Variants in ZNF844 observed in about 807,000 individuals in gnomAD.
The protein encoded by ZNF844 is zinc finger protein 844.
ZNF844 carries 11 observed loss-of-function variants against 11.4 expected under a neutral mutation model. The observed-to-expected ratio is 0.97, with a 90% confidence interval of 0.61 to 1.60. The LOEUF (loss-of-function observed/expected upper bound fraction) is 1.60, where lower values mean the gene tolerates loss of function less well. Among genes scored for constraint, ZNF844 ranks in the 40% most tolerant of loss-of-function variants. ZNF844 has a pLI of 0.00. For synonymous variants in ZNF844, 248 were observed against 260.3 expected, an observed-to-expected ratio of 0.95 and a Z score of 0.46; for missense variants, 790 against 796.8, an observed-to-expected ratio of 0.99 and a Z score of 0.10.
Position 12,064,752 on chromosome 19 carries a change from G to A in ZNF844, c.-122G>A, listed in dbSNP as rs1406680543. On this transcript the variant is annotated 5_prime_UTR_variant, in exon 1 of 4. Coordinates refer to ENST00000439326, the MANE Select transcript of ZNF844 (RefSeq NM_001136501.3). Reference sequence around the variant, plus strand: ...CCTCAGTCTTTGGCCCCTCCCGCCGGGTGAGGTTGGCACCCCGTTTTTCCT... The same window carrying A: ...CCTCAGTCTTTGGCCCCTCCCGCCGAGTGAGGTTGGCACCCCGTTTTTCCT... The A allele has an allele frequency of 1.9e-6, 2 of 1,048,000 alleles. No individual in the cohort carries two copies. Among genetic ancestry groups the A allele is most frequent in the Admixed American group, 2.5e-5 (1 of 39,856 alleles). 64.9% of individuals were successfully genotyped at this position (1,048,000 alleles called of 1,614,324 possible).
At chr19:12,074,513 C>A in intron 3 of ZNF844, 92 bp downstream of exon 3, 1 of 906,634 alleles carries the variant, frequency 1.1e-6, no homozygotes, top group Non-Finnish European at 1.7e-6. Context: ...GGAAATATGC[C>A]TAGCATTAAA....
Position 12,076,124 on chromosome 19 carries a change from A to G in ZNF844, c.1004A>G (p.Lys335Arg). ...CATGAAGTGACCCACTCTGGGAAAA[A>G]GCCCTGTGAATGTAAACAATGTGGG... ...CRHEVTHSGK[K>R]PCECKQCGKA... is the part of the protein sequence containing the mutation. Residue 335 changes from lysine (K) to arginine (R), a missense_variant, in exon 4 of 4, where the codon AAG (lysine) becomes AGG (arginine). Around this residue, in one of 3 missense-constraint regions of ZNF844, gnomAD observed 657 missense variants for 636.2 expected, o/e 1.03. Coordinates refer to ENST00000439326, the MANE Select transcript of ZNF844 (RefSeq NM_001136501.3). 8.9e-6 allele frequency: 14 copies of G among 1,570,566 alleles called. No individual in the cohort carries two copies. Among genetic ancestry groups the G allele is most frequent in the Non-Finnish European group, 1.0e-5 (12 of 1,156,892 alleles).
chr19:12,068,311 A>C (rs2145542358), intron 1 of ZNF844, among the ~76,000 whole-genome samples: 1 of 152,208 alleles, frequency 6.6e-6, no homozygotes, highest in Admixed American at 6.5e-5. Flanking sequence ...ACTGTCTCAA[A>C]AAATAAAAAT....
chr19:12,078,158 G>A lies in ZNF844; in HGVS notation c.*1037G>A, dbSNP rs1975853380. ...TTCTCTATTTTTTGTTGTTGTTTGAGATGAGTCTTGTTCTGTTGCCCAGGC... is the reference window on the plus strand; with the variant it reads ...TTCTCTATTTTTTGTTGTTGTTTGAAATGAGTCTTGTTCTGTTGCCCAGGC... On this transcript the variant is annotated 3_prime_UTR_variant, in exon 4 of 4. Transcript: ENST00000439326. 6.8e-6 allele frequency: 1 copy of A among 147,338 alleles called. No individual in the cohort carries two copies. The highest frequency in any genetic ancestry group is 1.5e-5 in the Non-Finnish European group (1 of 67,340). 9.1% of individuals were successfully genotyped at this position (147,338 alleles called of 1,614,324 possible).
intron 1 of ZNF844, among the ~76,000 whole-genome samples, chr19:12,070,447 C>T (rs1278039672): frequency 6.6e-6 from 1 of 152,160 alleles, no homozygotes; most frequent in Admixed American, 6.5e-5. Flanking sequence ...CTGTAGTCCT[C>T]TCTGGCAGTG....
In ZNF844 at chr19:12,077,929, C is replaced by T. The variant is rs933193085; in HGVS notation, c.*808C>T. On this transcript the variant is annotated 3_prime_UTR_variant, in exon 4 of 4. Transcript: ENST00000439326. ...CTGCAAGCTCCACCTCCTGGGTTCA[C>T]GCCATTCTCCTGCCTCAGTCTCCTG... is the stretch of plus-strand genomic sequence containing the variant. The T allele has an allele frequency of 5.1e-5, 10 of 197,144 alleles. No individual in the cohort carries two copies. Among genetic ancestry groups the T allele is most frequent in the South Asian group, 7.8e-5 (1 of 12,828 alleles). 12.2% of individuals were successfully genotyped at this position (197,144 alleles called of 1,614,324 possible). A position where few individuals can be genotyped will look rare whatever the true frequency, so the allele number is the denominator to read the frequency against.
chr19:12,073,882 G>A lies in ZNF844; in HGVS notation c.4-149G>A, dbSNP rs375327372. 7 of 995,888 alleles carry A rather than the reference G, an allele frequency of 7.0e-6. No individual in the cohort carries two copies. The Admixed American group carries it at 2.0e-4, about 28-fold the overall frequency. The allele number at this position is 995,888 out of a possible 1,614,324, so 61.7% of individuals were successfully genotyped here. ...AGAATTGCTTTAGAGAAGAAAGTAA[G>A]TGTAGACAGAGAGTAATGGGTCAGA... On this transcript the variant is annotated intron_variant, in intron 1 of 3. Transcript: ENST00000439326.
Position 12,066,530 on chromosome 19 carries a change from C to CTTTTTTTTTTT in ZNF844, c.3+1668_3+1678dup, listed in dbSNP as rs80186949. On this transcript the variant is annotated intron_variant, in intron 1 of 3. Coordinates refer to ENST00000439326, the MANE Select transcript of ZNF844 (RefSeq NM_001136501.3). ...ATTTAAACTATAACATAAATGTCTT[C>CTTTTTTTTTTT]TTTTTTTTTTTTTTTTTTTTTTTTG... 8.7e-4 allele frequency among the ~76,000 whole-genome samples: 80 copies of CTTTTTTTTTTT among 92,308 alleles called. 1 individual carries two copies. The highest frequency in any genetic ancestry group is 1.8e-3 in the African/African-American group (39 of 21,722). The allele number at this position is 92,308 out of a possible 152,430, so 60.6% of individuals were successfully genotyped here. A position where few individuals can be genotyped will look rare whatever the true frequency, so the allele number is the denominator to read the frequency against.
rs17001758 is a variant in ZNF844 at position 12,080,418 on chromosome 19, A to G, written c.*3297A>G. ...TAGAAATGGAGTTGGAGGATGTCAT[A>G]ATACAATTCACCAGTGTCCTATCTT... On this transcript the variant is annotated 3_prime_UTR_variant, in exon 4 of 4. Transcript: ENST00000439326. 39,985 of 374,134 alleles carry G rather than the reference A, an allele frequency of 0.11. 3,894 individuals carry two copies. Among genetic ancestry groups the G allele is most frequent in the African/African-American group, 0.35 (15,462 of 43,928 alleles). The allele number at this position is 374,134 out of a possible 1,614,324, so 23.2% of individuals were successfully genotyped here.
At chr19:12,067,213 A>G (rs973526837) in intron 1 of ZNF844, among the ~76,000 whole-genome samples, 3 of 151,614 alleles carry the variant, frequency 2.0e-5, no homozygotes, top group Non-Finnish European at 4.4e-5. Flanking sequence ...TAAAATAATA[A>G]TAATAATGAG....
Position 12,075,360 on chromosome 19 carries a change from T to TG in ZNF844, c.242dup (p.Glu82ArgfsTer4). ...ATGAAAATACAGAAGAAAATCATTG[T>TG]GGAGAAACTTCTAGCCAGATTCCAG... On this transcript the variant is annotated frameshift_variant, in exon 4 of 4. Transcript: ENST00000439326. LOFTEE classifies it low-confidence loss of function (END_TRUNC). 2 of 1,526,116 alleles carry TG rather than the reference T, an allele frequency of 1.3e-6. No homozygotes were observed. Among genetic ancestry groups the TG allele is most frequent in the Non-Finnish European group, 1.8e-6 (2 of 1,139,630 alleles). The allele number at this position is 1,526,116 out of a possible 1,614,324, so 94.5% of individuals were successfully genotyped here. A position where few individuals can be genotyped will look rare whatever the true frequency, so the allele number is the denominator to read the frequency against.
chr19:12,074,284 C>G (rs1289161920), intron 2 of ZNF844, 77 bp from the exon 3 acceptor site: 2 of 1,505,964 alleles, frequency 1.3e-6, no homozygotes, highest in African/African-American at 2.8e-5. Context: ...GCTCTAATGT[C>G]CCGTGAACAT....
At chr19:12,071,199 G>A (rs1224572131) in intron 1 of ZNF844, among the ~76,000 whole-genome samples, 1 of 151,916 alleles carries the variant, frequency 6.6e-6, no homozygotes, top group African/African-American at 2.4e-5. Flanking sequence ...TATCAATCAT[G>A]TGTCCCCCAT....
At chr19:12,069,098 C>T (rs946290307) in intron 1 of ZNF844, among the ~76,000 whole-genome samples, 6 of 151,872 alleles carry the variant, frequency 4.0e-5, no homozygotes, top group African/African-American at 1.5e-4. Flanking sequence ...GGCTAGTTGT[C>T]CTAAGGTTGT....
At chr19:12,074,008 T>C (rs763277949) in intron 1 of ZNF844, 23 bp from the exon 2 acceptor site, 1 of 1,608,102 alleles carries the variant, frequency 6.2e-7, no homozygotes. Flanking sequence ...CCCATCCTCC[T>C]CTATACATGT....
intron 1 of ZNF844, among the ~76,000 whole-genome samples, chr19:12,071,812 G>A (rs539373750): frequency 2.2e-4 from 33 of 150,482 alleles, no homozygotes; most frequent in African/African-American, 4.9e-4. Flanking sequence ...TATATAACTC[G>A]TCTAAGATGA....
intron 1 of ZNF844, among the ~76,000 whole-genome samples, chr19:12,066,331 T>C (rs1380332333): frequency 1.3e-5 from 2 of 151,806 alleles, no homozygotes; most frequent in East Asian, 4.0e-4. Flanking sequence ...AGTGGAGCCA[T>C]GGGTGTCAGA....
At chr19:12,074,304 T>A in intron 2 of ZNF844, 57 bp from the exon 3 acceptor site, 1 of 1,487,156 alleles carries the variant, frequency 6.7e-7, no homozygotes, top group Non-Finnish European at 9.1e-7. Flanking sequence ...TAGAATCTAA[T>A]CATTTTTTCA....
At chr19:12,073,127 T>C (rs568540675) in intron 1 of ZNF844, among the ~76,000 whole-genome samples, 1 of 152,142 alleles carries the variant, frequency 6.6e-6, no homozygotes, top group South Asian at 2.1e-4. Context: ...CCTTCAGCAT[T>C]TCATCAATTA....
Sources: gnomAD v4.1 joint callset for allele counts (sites outside exome capture counted in the v4.1 genomes callset) on GRCh38, gnomAD v4.1.1 for gene constraint, gnomAD v4.1.1 regional missense constraint, MANE v1.5 for transcripts, NCBI Gene and HGNC (gene_info 2026-07-23, HGNC 2026-07-21) for gene names.